NRCAM: variants seen among roughly 807,000 people sequenced by gnomAD.
NRCAM encodes the protein neuronal cell adhesion molecule, also known as NgCAM-related cell adhesion molecule.
Under a neutral mutation model 156.5 loss-of-function variants are expected in NRCAM, and 83 were observed. The ratio of observed to expected loss-of-function variants is 0.53; its 90% confidence interval spans 0.44 to 0.64. The LOEUF (loss-of-function observed/expected upper bound fraction) is 0.64. NRCAM is among the 30% of genes least tolerant of loss of function. NRCAM has a pLI of 0.00. For synonymous variants in NRCAM, 538 were observed against 563.9 expected (o/e 0.95, Z 0.65); for missense variants, 1,417 against 1,597.3 (o/e 0.89, Z 1.92).
At chr7:108,333,849 T>A (rs771644741) in intron 2 of NRCAM, among the ~76,000 whole-genome samples, 1 of 152,188 alleles carries the variant, frequency 6.6e-6, no homozygotes, top group African/African-American at 2.4e-5. Flanking sequence ...ATCTTTCTTT[T>A]CTTAGACAAC....
intron 3 of NRCAM, among the ~76,000 whole-genome samples, chr7:108,305,256 G>T (rs956449024): frequency 6.6e-6 from 1 of 152,098 alleles, no homozygotes; most frequent in African/African-American, 2.4e-5. Flanking sequence ...TTGCATTAAA[G>T]AATATCTATA....
chr7:108,411,472 A>C (rs1007733187), intron 1 of NRCAM, among the ~76,000 whole-genome samples: 1 of 152,192 alleles, frequency 6.6e-6, no homozygotes, highest in Non-Finnish European at 1.5e-5. Context: ...TTTACAACTT[A>C]CTTTTTAAAT....
chr7:108,356,864 G>A (rs2099505803), intron 2 of NRCAM, among the ~76,000 whole-genome samples: 1 of 150,722 alleles, frequency 6.6e-6, no homozygotes, highest in Non-Finnish European at 1.5e-5. Flanking sequence ...TAACGTGATG[G>A]TTGAGGTGGG....
At chr7:108,278,833 C>T (rs568119744) in intron 3 of NRCAM, among the ~76,000 whole-genome samples, 2 of 152,222 alleles carry the variant, frequency 1.3e-5, no homozygotes, top group South Asian at 2.1e-4. Flanking sequence ...CAGAAATCAT[C>T]GTCTTCTGTG....
chr7:108,245,313 A>T (rs2095836932), intron 3 of NRCAM, among the ~76,000 whole-genome samples: 2 of 152,042 alleles, frequency 1.3e-5, no homozygotes, highest in South Asian at 4.1e-4. Flanking sequence ...AGAATTACCA[A>T]GTTTAGTTAC....
rs554739665 is a variant in NRCAM, at chr7:108,204,242, C to G, written c.1207+3286G>C. Among the ~76,000 whole-genome samples, 309 of 152,326 alleles carry G rather than the reference C, an allele frequency of 2.0e-3. 1 individual carries two copies. The highest frequency in any genetic ancestry group is 7.3e-3 in the African/African-American group (305 of 41,580). On this transcript the variant is annotated intron_variant, in intron 13 of 32. Transcript: ENST00000379028. ...TGTTTTGGATAGTTTCTGCACCCCCCTCATTCTCTCATTATTTTGGATCAG... is the reference window on the plus strand; with the variant it reads ...TGTTTTGGATAGTTTCTGCACCCCCGTCATTCTCTCATTATTTTGGATCAG...
rs181197959 is a variant in NRCAM, at chr7:108,175,802, C to T, written c.3152-445G>A. ...TAATTTTCATTGAATCTCAAGATTT[C>T]AGAATAACTTTTTAAAGTATGAAAA... On this transcript the variant is annotated intron_variant, in intron 27 of 32. Coordinates refer to ENST00000379028, the MANE Select transcript of NRCAM (RefSeq NM_001037132.4). 6.2e-3 allele frequency among the ~76,000 whole-genome samples: 942 copies of T among 152,230 alleles called. 4 individuals are homozygous for T. Among genetic ancestry groups the T allele is most frequent in the Non-Finnish European group, 9.6e-3 (652 of 67,988 alleles).
Position 108,184,526 on chromosome 7 carries a change from C to G in NRCAM, c.2124G>C (p.Gln708His), listed in dbSNP as rs1417436379. Residue 708 changes from glutamine (Q) to histidine (H), a missense_variant, in exon 21 of 33, where the codon CAG (glutamine) becomes CAC (histidine). Gln to His is a conservative substitution (Grantham distance 24, BLOSUM62 0). This residue lies in a region of NRCAM where 1,238 missense variants were observed against 1,336.4 expected (regional missense o/e 0.93). Transcript: ENST00000379028. ...TEVSGTQTTA[Q>H]LKLSPYVNYS... is the part of the protein sequence containing the mutation. ...AGTTCACGTAAGGAGACAGCTTCAG[C>G]TGGGCTGTGGTCTGTGTTCCAGAAA... is the stretch of plus-strand genomic sequence containing the variant. 6.2e-7 allele frequency: 1 copy of G among 1,614,040 alleles called. No individual in the cohort carries two copies. Among genetic ancestry groups the G allele is most frequent in the African/African-American group, 1.3e-5 (1 of 74,938 alleles).
chr7:108,286,199 T>C (rs1469641714), intron 3 of NRCAM, among the ~76,000 whole-genome samples: 1 of 151,974 alleles, frequency 6.6e-6, no homozygotes, highest in African/African-American at 2.4e-5. Flanking sequence ...TTTTCAACAA[T>C]TTAAAAACAT....
intron 3 of NRCAM, among the ~76,000 whole-genome samples, chr7:108,255,312 G>C (rs961941025): frequency 1.3e-5 from 2 of 152,122 alleles, no homozygotes; most frequent in Non-Finnish European, 2.9e-5. Context: ...GATTGCAGGT[G>C]TGCGCCGCCA....
intron 13 of NRCAM, among the ~76,000 whole-genome samples, chr7:108,200,678 G>A (rs781141891): frequency 2.0e-5 from 3 of 149,406 alleles, no homozygotes; most frequent in East Asian, 2.0e-4. Flanking sequence ...AGCACAATTC[G>A]CAATTGCAAA....
chr7:108,451,404 A>G (rs926166665), intron 1 of NRCAM, among the ~76,000 whole-genome samples: 2 of 142,584 alleles, frequency 1.4e-5, no homozygotes, highest in Non-Finnish European at 3.2e-5. Context: ...GAGTATAACG[A>G]TGTCTCAAAA....
At chr7:108,297,104 A>G (rs1489558762) in intron 3 of NRCAM, among the ~76,000 whole-genome samples, 1 of 152,220 alleles carries the variant, frequency 6.6e-6, no homozygotes, top group Admixed American at 6.5e-5. Context: ...TAAACTTATG[A>G]TCGGCTTTCA....
intron 3 of NRCAM, among the ~76,000 whole-genome samples, chr7:108,297,932 G>A (rs10241406): frequency 0.23 from 34,274 of 152,086 alleles, 4,172 homozygotes; most frequent in African/African-American, 0.27. Context: ...CAGGAAGAGT[G>A]TTCCAGACAG....
intron 2 of NRCAM, among the ~76,000 whole-genome samples, chr7:108,362,906 A>G (rs1252171784): frequency 6.6e-6 from 1 of 152,182 alleles, no homozygotes; most frequent in Non-Finnish European, 1.5e-5. Context: ...ACCATTTACC[A>G]ATAAAATAAA....
intron 2 of NRCAM, chr7:108,313,406 G>A (rs1418211343): frequency 1.3e-5 from 2 of 152,156 alleles, no homozygotes; most frequent in African/African-American, 4.8e-5. Context: ...GACACCCAAG[G>A]TTTCTAAGGG....
chr7:108,276,924 G>C (rs1227879733), intron 3 of NRCAM, among the ~76,000 whole-genome samples: 1 of 152,180 alleles, frequency 6.6e-6, no homozygotes, highest in Non-Finnish European at 1.5e-5. Flanking sequence ...TTGTAAGGCA[G>C]GCCTGGTGGT....
At chr7:108,300,557 T>C (rs1463368786) in intron 3 of NRCAM, among the ~76,000 whole-genome samples, 2 of 152,302 alleles carry the variant, frequency 1.3e-5, no homozygotes, top group Non-Finnish European at 2.9e-5. Context: ...AGGGACACCA[T>C]TGAAAAGACT....
chr7:108,427,080 T>G (rs1818262820), intron 1 of NRCAM, among the ~76,000 whole-genome samples: 1 of 152,228 alleles, frequency 6.6e-6, no homozygotes, highest in African/African-American at 2.4e-5. Context: ...TTCACGAACA[T>G]GCCTTTCCTC....
Sources: allele counts gnomAD v4.1 joint callset (sites outside exome capture counted in the v4.1 genomes callset), GRCh38; gene constraint gnomAD v4.1.1; regional missense constraint gnomAD v4.1.1; transcripts MANE v1.5; gene names NCBI Gene and HGNC (gene_info 2026-07-23, HGNC 2026-07-21).